IRAG2: variants seen among roughly 807,000 people sequenced by gnomAD.
IRAG2 encodes the protein inositol 1,4,5-triphosphate receptor associated 2.
In IRAG2, 45 loss-of-function variants were observed where a neutral mutation model predicts 69.9. The ratio of observed to expected loss-of-function variants is 0.64; its 90% CI spans 0.51 to 0.83. The LOEUF (loss-of-function observed/expected upper bound fraction) is 0.83, where lower values mean the gene tolerates loss of function less well. Ranked by LOEUF, IRAG2 falls within the 40% of genes least tolerant of loss-of-function variation. The pLI, the probability that IRAG2 is intolerant of heterozygous loss-of-function variation, is 0.00. For missense variants in IRAG2, 520 were observed against 587.0 expected (o/e 0.89, Z 1.18); for synonymous variants, 193 against 202.4 (o/e 0.95, Z 0.40).
rs1200467153 is a variant in IRAG2 at position 25,099,361 on chromosome 12, G to A, written c.742-1817G>A. ...TGCTCAGGCCAAAATAGGGGCAGAG[G>A]GAGCTGGGGTAATTCTCAACACCTT... On this transcript the variant is annotated intron_variant, in intron 15 of 21. Coordinates refer to ENST00000556887, the MANE Select transcript of IRAG2 (RefSeq NM_001366544.2). 2.6e-5 allele frequency among the ~76,000 whole-genome samples: 4 copies of A among 152,148 alleles called. No homozygotes were observed. In the South Asian group the frequency reaches 6.2e-4, roughly 24 times the overall value.
upstream of IRAG2, chr12:25,004,297 C>T (rs1411268552): frequency 3.3e-6 from 4 of 1,197,952 alleles, no homozygotes; most frequent in Admixed American, 4.2e-5. Flanking sequence ...CTACTTTTGC[C>T]TATACTTTAG....
At position 25,029,669 on chromosome 12, in the gene IRAG2, T is replaced by G. The variant is rs1439169456; in HGVS notation, c.1462-609T>G. 7.1e-5 allele frequency among the ~76,000 whole-genome samples: 6 copies of G among 84,210 alleles called. No individual in the cohort carries two copies. In the Admixed American group the frequency reaches 1.2e-3, roughly 16 times the overall value. The allele number at this position is 84,210 out of a possible 152,430, so 55.2% of individuals were successfully genotyped here. A position where few individuals can be genotyped will look rare whatever the true frequency, so the allele number is the denominator to read the frequency against. On this transcript the variant is annotated intron_variant, in intron 9 of 38. Transcript: ENST00000636465. ...AATCTTAAGCATTGTTACAATATGT[T>G]TTTTTTTTTTATTTAAATTTTAGTT...
intron 1 of IRAG2, among the ~76,000 whole-genome samples, chr12:25,058,483 G>T (rs576848451): frequency 2.6e-5 from 4 of 152,178 alleles, no homozygotes; most frequent in Admixed American, 2.0e-4. Flanking sequence ...ATGAATAGTT[G>T]ATCTTAGTCT....
At chr12:25,011,584 G>T in intron 3 of IRAG2, 2 of 1,188,782 alleles carry the variant, frequency 1.7e-6, no homozygotes, top group Non-Finnish European at 2.1e-6. Context: ...GCAGTTTAAG[G>T]TTCTATTTTA....
intron 1 of IRAG2, chr12:25,005,235 T>A (rs1409215112): frequency 1.6e-5 from 19 of 1,201,232 alleles, no homozygotes; most frequent in Non-Finnish European, 1.8e-5. Context: ...CTTTTTCTTC[T>A]AATAGGATGG....
upstream of IRAG2, among the ~76,000 whole-genome samples, chr12:25,003,596 CTTTT>C (rs915193135): frequency 5.3e-5 from 8 of 151,140 alleles, no homozygotes; most frequent in African/African-American, 1.9e-4. Context: ...GAGATTATGC[CTTTT>C]TTTTTAAAGG....
At chr12:25,072,270 C>A (rs1946390757) in intron 6 of IRAG2, among the ~76,000 whole-genome samples, 1 of 152,100 alleles carries the variant, frequency 6.6e-6, no homozygotes, top group Non-Finnish European at 1.5e-5. Flanking sequence ...ACAATCGAGC[C>A]TCCAGTCACA....
chr12:25,098,728 C>T (rs1948575004), intron 15 of IRAG2, among the ~76,000 whole-genome samples: 1 of 152,168 alleles, frequency 6.6e-6, no homozygotes, highest in Non-Finnish European at 1.5e-5. Context: ...CTGGCCACCA[C>T]CCTGTTTCTC....
chr12:25,015,248 A>G (rs1379279357), exon 4 of IRAG2: 3 of 1,230,578 alleles, frequency 2.4e-6, no homozygotes, highest in Non-Finnish European at 3.0e-6. Context: ...ATGGCATAAA[A>G]TCAGATGGAA....
intron 5 of IRAG2, among the ~76,000 whole-genome samples, chr12:25,066,896 C>T (rs968032844): frequency 2.6e-5 from 4 of 151,934 alleles, no homozygotes; most frequent in Non-Finnish European, 5.9e-5. Flanking sequence ...GTGATCTGCC[C>T]TCCTCGGCCT....
chr12:25,104,472 G>A lies in IRAG2; in HGVS notation c.1148+10G>A, dbSNP rs888146669. ...AAAAATGTGAACTAAAGTAGGTGAA[G>A]CTCAGTGTGTTTATTAACCTGACAT... On this transcript the variant is annotated intron_variant, in intron 20 of 21. Transcript: ENST00000556887. The A allele has an allele frequency of 1.3e-6, 2 of 1,511,186 alleles. No individual in the cohort carries two copies. Among genetic ancestry groups the A allele is most frequent in the Non-Finnish European group, 1.8e-6 (2 of 1,086,196 alleles). The allele number at this position is 1,511,186 out of a possible 1,614,324, so 93.6% of individuals were successfully genotyped here. A position where few individuals can be genotyped will look rare whatever the true frequency, so the allele number is the denominator to read the frequency against.
intron 14 of IRAG2, 188 bp from the exon 15 acceptor site, chr12:25,096,722 T>C (rs1013631834): frequency 2.7e-5 from 12 of 439,620 alleles, no homozygotes; most frequent in Non-Finnish European, 4.4e-5. Context: ...CCTGCGTATA[T>C]CTACCCAGTA....
chr12:25,005,265 G>A lies in IRAG2; in HGVS notation c.599G>A (p.Gly200Asp), dbSNP rs190688433. Residue 200 changes from glycine (G) to aspartate (D), a missense_variant, in exon 2 of 39, where the codon GGT becomes GAT. Transcript: ENST00000636465. Reference sequence around the variant, plus strand: ...GGATGGAAACAAGAAGCTGATGATGGTAAAGAAGATGTAATATACAGCATC... The same window carrying A: ...GGATGGAAACAAGAAGCTGATGATGATAAAGAAGATGTAATATACAGCATC... The A allele has an allele frequency of 5.0e-3, 6,118 of 1,229,278 alleles. 25 individuals are homozygous for A. The highest frequency in any genetic ancestry group is 5.3e-3 in the Non-Finnish European group (5,265 of 985,406). The allele number at this position is 1,229,278 out of a possible 1,614,324, so 76.1% of individuals were successfully genotyped here. A position where few individuals can be genotyped will look rare whatever the true frequency, so the allele number is the denominator to read the frequency against.
Position 25,013,866 on chromosome 12 carries a change from CTTTTTTTTTT to C in IRAG2, c.897-1299_897-1290del, listed in dbSNP as rs71063386. Among the ~76,000 whole-genome samples, 8 of 79,520 alleles carry C rather than the reference CTTTTTTTTTT, an allele frequency of 1.0e-4. No individual in the cohort carries two copies. In the East Asian group the frequency reaches 2.3e-3, roughly 23 times the overall value. The allele number at this position is 79,520 out of a possible 152,430, so 52.2% of individuals were successfully genotyped here. On this transcript the variant is annotated intron_variant, in intron 3 of 38. Transcript: ENST00000636465. The stretch of plus-strand genomic sequence containing the variant: ...GGTTTTAATTTTTTGTTTTCTTTTT[CTTTTTTTTTT>C]TTTTTTTTTTTTTTTTGAGACAGAG...
At chr12:25,031,308 C>T (rs1175329132) in intron 10 of IRAG2, among the ~76,000 whole-genome samples, 1 of 152,182 alleles carries the variant, frequency 6.6e-6, no homozygotes, top group African/African-American at 2.4e-5. Context: ...CCGTTCTGCA[C>T]TCCTGCTCAG....
chr12:25,101,155 G>A (rs757265155), intron 15 of IRAG2, 23 bp from the exon 16 acceptor site: 40 of 1,586,336 alleles, frequency 2.5e-5, no homozygotes, highest in Admixed American at 7.1e-5. Context: ...CAATGTAAAT[G>A]TGCTCGTTTT....
intron 3 of IRAG2, among the ~76,000 whole-genome samples, chr12:25,012,959 T>A (rs960237326): frequency 6.6e-6 from 1 of 152,206 alleles, no homozygotes; most frequent in African/African-American, 2.4e-5. Context: ...GAAGTCAAGA[T>A]AAATATATAG....
intron 13 of IRAG2, among the ~76,000 whole-genome samples, chr12:25,034,378 T>A (rs570685166): frequency 6.6e-6 from 1 of 152,340 alleles, no homozygotes; most frequent in South Asian, 2.1e-4. Flanking sequence ...TAGATTATAA[T>A]TGTATCAGCC....
At chr12:25,047,139 A>T (rs978639455) in intron 16 of IRAG2, among the ~76,000 whole-genome samples, 2 of 152,188 alleles carry the variant, frequency 1.3e-5, no homozygotes, top group African/African-American at 4.8e-5. Flanking sequence ...AAAAGAATGA[A>T]ATTGGACTCT....
Sources: gnomAD v4.1 joint callset for allele counts (sites outside exome capture counted in the v4.1 genomes callset) on GRCh38, gnomAD v4.1.1 for gene constraint, MANE v1.5 for transcripts, NCBI Gene and HGNC (gene_info 2026-07-23, HGNC 2026-07-21) for gene names.